Variants in SKAP1 observed in about 807,000 individuals in gnomAD.
The protein encoded by SKAP1 is src kinase associated phosphoprotein 1, also known as src kinase-associated phosphoprotein 1.
In SKAP1, 44 loss-of-function variants were observed where a neutral mutation model predicts 58.5. The ratio of observed to expected loss-of-function variants is 0.75; its 90% CI spans 0.59 to 0.97. The LOEUF (loss-of-function observed/expected upper bound fraction) is 0.97. Among genes scored for constraint, SKAP1 ranks in the 50% least tolerant of loss-of-function variants. The pLI, the probability that SKAP1 is intolerant of heterozygous loss-of-function variation, is 0.00. For missense variants in SKAP1, 390 were observed against 435.2 expected, an observed-to-expected ratio of 0.90 and a Z score of 0.92; for synonymous variants, 127 against 149.7, an observed-to-expected ratio of 0.85 and a Z score of 1.11.
chr17:48,188,101 G>A (rs2064483878), intron 5 of SKAP1, among the ~76,000 whole-genome samples, 175 bp from the exon 6 acceptor site: 1 of 152,200 alleles, frequency 6.6e-6, no homozygotes, highest in African/African-American at 2.4e-5. Flanking sequence ...GGGTCCAGGG[G>A]ACTAGCTCAG....
At chr17:48,249,600 G>A (rs576603196) in intron 4 of SKAP1, among the ~76,000 whole-genome samples, 20 of 152,028 alleles carry the variant, frequency 1.3e-4, no homozygotes, top group Admixed American at 1.0e-3. Context: ...TCTGAACCCC[G>A]GAAGTCGAGG....
At chr17:48,385,765 G>A (rs767872975) in intron 2 of SKAP1, among the ~76,000 whole-genome samples, 1 of 152,180 alleles carries the variant, frequency 6.6e-6, no homozygotes, top group Admixed American at 6.5e-5. Context: ...CATCCTTTAG[G>A]ATGCAGAAAA....
intron 6 of SKAP1, 26 bp from the exon 7 acceptor site, chr17:48,184,873 T>A (rs778152332): frequency 3.1e-6 from 5 of 1,599,356 alleles, no homozygotes; most frequent in East Asian, 2.2e-5. Context: ...GCTCCCTGTA[T>A]CCCTAGAGAG....
At chr17:48,410,717 A>T (rs964049127) in intron 1 of SKAP1, among the ~76,000 whole-genome samples, 9 of 152,036 alleles carry the variant, frequency 5.9e-5, no homozygotes, top group African/African-American at 2.2e-4. Flanking sequence ...ACTTGAGGTG[A>T]GGAGTTTGAA....
intron 11 of SKAP1, among the ~76,000 whole-genome samples, chr17:48,153,033 A>G (rs1423895558): frequency 2.7e-5 from 1 of 36,390 alleles, no homozygotes; most frequent in Admixed American, 4.4e-4. Context: ...GGACACACAC[A>G]CACACACACA....
intron 4 of SKAP1, among the ~76,000 whole-genome samples, chr17:48,273,170 CTCGAT>C (rs1475148316): frequency 1.3e-5 from 2 of 152,198 alleles, no homozygotes; most frequent in African/African-American, 4.8e-5. Flanking sequence ...ATCAACCACA[CTCGAT>C]ACCCTTTCCC....
At chr17:48,208,835 A>G (rs143139646) in intron 4 of SKAP1, among the ~76,000 whole-genome samples, 183 of 152,288 alleles carry the variant, frequency 1.2e-3, no homozygotes, top group African/African-American at 4.2e-3. Flanking sequence ...CTTTAATCCT[A>G]TTTAGCAGAG....
chr17:48,235,779 A>T (rs2065173509), intron 4 of SKAP1, among the ~76,000 whole-genome samples: 1 of 152,208 alleles, frequency 6.6e-6, no homozygotes, highest in African/African-American at 2.4e-5. Context: ...CATCACCCAG[A>T]GGCAAGTCTT....
chr17:48,274,355 CA>C (rs2065672252), intron 4 of SKAP1, among the ~76,000 whole-genome samples: 1 of 151,882 alleles, frequency 6.6e-6, no homozygotes, highest in Non-Finnish European at 1.5e-5. Flanking sequence ...GAGATTGCAT[CA>C]CTGCACTCCA....
intron 4 of SKAP1, among the ~76,000 whole-genome samples, chr17:48,330,496 T>G (rs1186344364): frequency 6.6e-6 from 1 of 152,158 alleles, no homozygotes; most frequent in Non-Finnish European, 1.5e-5. Context: ...GTCACAACTC[T>G]AAAAAGAAAA....
intron 3 of SKAP1, among the ~76,000 whole-genome samples, chr17:48,357,791 A>C (rs2066895596): frequency 6.6e-6 from 1 of 152,206 alleles, no homozygotes; most frequent in Non-Finnish European, 1.5e-5. Flanking sequence ...AAGGTATCAA[A>C]ATTAGTAATT....
At chr17:48,293,965 A>G (rs533801028) in intron 4 of SKAP1, among the ~76,000 whole-genome samples, 3 of 152,314 alleles carry the variant, frequency 2.0e-5, no homozygotes, top group Non-Finnish European at 4.4e-5. Flanking sequence ...GAGAGAGGAA[A>G]AAACTGCAGA....
At chr17:48,399,205 T>C (rs1483808068) in intron 1 of SKAP1, among the ~76,000 whole-genome samples, 1 of 152,196 alleles carries the variant, frequency 6.6e-6, no homozygotes, top group Admixed American at 6.5e-5. Flanking sequence ...TAGGGTCCTT[T>C]GAATGCTAAC....
chr17:48,405,387 T>C (rs1190552197), intron 1 of SKAP1, among the ~76,000 whole-genome samples: 1 of 149,754 alleles, frequency 6.7e-6, no homozygotes, highest in Non-Finnish European at 1.5e-5. Flanking sequence ...TCTTTTTTTC[T>C]CTTTCCTTTC....
chr17:48,295,532 C>T (rs1013906965), intron 4 of SKAP1: 4 of 151,464 alleles, frequency 2.6e-5, no homozygotes, highest in Non-Finnish European at 4.4e-5. Context: ...ATAAGCTTGC[C>T]GTTTTTCACC....
intron 2 of SKAP1, among the ~76,000 whole-genome samples, chr17:48,388,260 C>A (rs966193730): frequency 2.6e-5 from 4 of 152,110 alleles, no homozygotes; most frequent in Non-Finnish European, 4.4e-5. Flanking sequence ...ATGGTGAAAC[C>A]CTGTCTGTAC....
chr17:48,241,569 C>A (rs2065244094), intron 4 of SKAP1, among the ~76,000 whole-genome samples: 1 of 152,058 alleles, frequency 6.6e-6, no homozygotes, highest in South Asian at 2.1e-4. Context: ...ACCCAGATGC[C>A]TCACATGGAT....
chr17:48,260,563 T>C (rs8073979), intron 4 of SKAP1, among the ~76,000 whole-genome samples: 13,921 of 152,214 alleles, frequency 0.091, 968 homozygotes, highest in African/African-American at 0.17. Context: ...ATCGGTTCAA[T>C]TTAATTGATT....
chr17:48,264,781 CA>C (rs1405582586), intron 4 of SKAP1, among the ~76,000 whole-genome samples: 36 of 151,486 alleles, frequency 2.4e-4, no homozygotes, highest in Middle Eastern at 3.4e-3. Flanking sequence ...CACACACACA[CA>C]CCCTCCATCT....
Sources: allele counts gnomAD v4.1 joint callset (sites outside exome capture counted in the v4.1 genomes callset), GRCh38; gene constraint gnomAD v4.1.1; transcripts MANE v1.5; gene names NCBI Gene and HGNC (gene_info 2026-07-23, HGNC 2026-07-21).